Variants in PLEKHA6 observed in about 807,000 individuals in gnomAD.
PLEKHA6 encodes the protein pleckstrin homology domain-containing family A member 6.
A neutral mutation model predicts 116.7 loss-of-function variants in PLEKHA6; 60 were observed. That is an observed-to-expected ratio of 0.51 (90% confidence interval 0.42 to 0.64). The LOEUF (loss-of-function observed/expected upper bound fraction) is 0.64. PLEKHA6 is among the 30% of genes least tolerant of loss of function. The probability of loss-of-function intolerance (pLI) is 0.00; values close to 1 mark genes in which losing one functional copy is unlikely to be tolerated. For missense variants in PLEKHA6, 1,338 were observed against 1,422.7 expected (o/e 0.94, Z 0.96); for synonymous variants, 489 against 556.1 (o/e 0.88, Z 1.70).
chr1:204,249,055 T>A, intron 11 of PLEKHA6, 85 bp from the exon 12 acceptor site: 1 of 1,523,140 alleles, frequency 6.6e-7, no homozygotes, highest in African/African-American at 1.4e-5. Flanking sequence ...CCTTAGAGGT[T>A]CAACAGGCAG....
At chr1:204,252,087 TCCCTGC>T (rs1223748166) in intron 9 of PLEKHA6, among the ~76,000 whole-genome samples, 1 of 150,626 alleles carries the variant, frequency 6.6e-6, no homozygotes, top group Non-Finnish European at 1.5e-5. Context: ...CTGCCCCCTC[TCCCTGC>T]CCCTGCCCCT....
At chr1:204,307,140 A>G (rs1299403412) in intron 1 of PLEKHA6, among the ~76,000 whole-genome samples, 2 of 152,312 alleles carry the variant, frequency 1.3e-5, no homozygotes, top group African/African-American at 4.8e-5. Flanking sequence ...TTGCTTCCCA[A>G]CTATTAACAG....
At chr1:204,372,644 A>G (rs1039115199) in intron 1 of PLEKHA6, among the ~76,000 whole-genome samples, 1 of 152,184 alleles carries the variant, frequency 6.6e-6, no homozygotes, top group Non-Finnish European at 1.5e-5. Flanking sequence ...AAAAATTTAC[A>G]ATTTAATAGT....
At chr1:204,320,802 G>A (rs2103223063) in intron 1 of PLEKHA6, among the ~76,000 whole-genome samples, 1 of 152,284 alleles carries the variant, frequency 6.6e-6, no homozygotes, top group South Asian at 2.1e-4. Flanking sequence ...TGTGTAGAAT[G>A]GGGAGTGGGA....
At chr1:204,279,766 C>T (rs1668407441) in intron 1 of PLEKHA6, among the ~76,000 whole-genome samples, 2 of 152,194 alleles carry the variant, frequency 1.3e-5, no homozygotes, top group African/African-American at 4.8e-5. Flanking sequence ...AGTCCAAGAT[C>T]CAACCTGAGT....
chr1:204,260,485 T>C (rs898145900), intron 7 of PLEKHA6, among the ~76,000 whole-genome samples: 1 of 152,224 alleles, frequency 6.6e-6, no homozygotes, highest in Non-Finnish European at 1.5e-5. Flanking sequence ...CACATTTATA[T>C]TTACAGTAAG....
chr1:204,362,072 C>G (rs912975246), upstream of PLEKHA6, among the ~76,000 whole-genome samples: 2 of 152,166 alleles, frequency 1.3e-5, no homozygotes, highest in African/African-American at 4.8e-5. Context: ...ATCTGAGTAG[C>G]TTCAGGGGCA....
Position 204,257,405 on chromosome 1 carries a change from A to T in PLEKHA6, c.1472T>A (p.Ile491Asn). Residue 491 changes from isoleucine to asparagine, a missense_variant, in exon 9 of 23, where the codon ATC becomes AAC. Ile to Asn is a moderately radical substitution (Grantham distance 149). Around this residue, in one of 3 missense-constraint regions of PLEKHA6, gnomAD observed 1,136 missense variants for 1,163.6 expected, o/e 0.98. Coordinates refer to ENST00000272203, the MANE Select transcript of PLEKHA6 (RefSeq NM_014935.5). The surrounding 1 kb of genome is among the most constrained non-coding windows in gnomAD (Gnocchi z 6.5). ...FERLPPRSEDIYADPAAYVMR... is the reference protein window; with the variant it reads ...FERLPPRSEDNYADPAAYVMR... ...CACATAGGCAGCAGGGTCAGCATAG[A>T]TGTCCTCACTGCGAGGTGGCAGCCG... 1 of 1,564,272 alleles carries T rather than the reference A, an allele frequency of 6.4e-7. No homozygotes were observed. The highest frequency in any genetic ancestry group is 8.7e-7 in the Non-Finnish European group (1 of 1,153,724).
intron 1 of PLEKHA6, chr1:204,298,023 A>G (rs1377318983): frequency 2.5e-6 from 1 of 394,264 alleles, no homozygotes; most frequent in African/African-American, 2.2e-5. Flanking sequence ...CCATGGAGCC[A>G]GTAGTTGGAA....
intron 2 of PLEKHA6, among the ~76,000 whole-genome samples, chr1:204,370,447 AC>A (rs1305030414): frequency 6.6e-6 from 1 of 152,208 alleles, no homozygotes; most frequent in African/African-American, 2.4e-5. Context: ...CCGCACTGTG[AC>A]CCACACCCCC....
At chr1:204,279,554 A>T (rs932051819) in intron 1 of PLEKHA6, among the ~76,000 whole-genome samples, 6 of 152,208 alleles carry the variant, frequency 3.9e-5, no homozygotes, top group Non-Finnish European at 8.8e-5. Context: ...ATGATTATGA[A>T]TCCATGAATA....
rs1005272546 is a variant in PLEKHA6, at chr1:204,277,564, C to A, written c.-94-2755G>T. 6.6e-6 allele frequency: 1 copy of A among 152,194 alleles called. No individual in the cohort carries two copies. Among genetic ancestry groups the A allele is most frequent in the Non-Finnish European group, 1.5e-5 (1 of 68,056 alleles). 9.4% of individuals were successfully genotyped at this position (152,194 alleles called of 1,614,324 possible). A position where few individuals can be genotyped will look rare whatever the true frequency, so the allele number is the denominator to read the frequency against. ...TCCTGCCTCCCCAATTCTCAACCCA[C>A]AATACAGGCTCCTGAGCTGAAAATC... On this transcript the variant is annotated intron_variant, in intron 1 of 22. Coordinates refer to ENST00000272203, the MANE Select transcript of PLEKHA6 (RefSeq NM_014935.5). This position sits in a 1 kb window ranked among gnomAD's most constrained non-coding sequence, Gnocchi z 4.1.
At chr1:204,338,160 C>T (rs1301965761) in intron 1 of PLEKHA6, among the ~76,000 whole-genome samples, 2 of 152,238 alleles carry the variant, frequency 1.3e-5, no homozygotes, top group African/African-American at 4.8e-5. Flanking sequence ...GGTGACCCAA[C>T]TATGTCACTG....
rs1468531532 is a variant in PLEKHA6, at chr1:204,268,260, A to C, written c.155T>G (p.Met52Arg). 1 of 1,612,882 alleles carries C rather than the reference A, an allele frequency of 6.2e-7. No individual in the cohort carries two copies. Among genetic ancestry groups the C allele is most frequent in the African/African-American group, 1.3e-5 (1 of 74,934 alleles). ...GACAGGTGCATTGGGGTTCCGCTTCATGGAGTGTGAGCGCTTGCCAAAGGC... is the reference window on the plus strand; with the variant it reads ...GACAGGTGCATTGGGGTTCCGCTTCCTGGAGTGTGAGCGCTTGCCAAAGGC... The part of the protein sequence containing the change: ...AVAFGKRSHS[M>R]KRNPNAPVTK... The change falls in exon 4 of 23, where the codon ATG becomes AGG. Residue 52 changes from methionine to arginine, a missense_variant. By Grantham distance (91) the Met-to-Arg change is moderately conservative. This residue lies in a region of PLEKHA6 where 140 missense variants were observed against 197.4 expected (regional missense o/e 0.71). Transcript: ENST00000272203.
At chr1:204,292,695 G>A (rs568949782) in intron 1 of PLEKHA6, among the ~76,000 whole-genome samples, 14 of 152,358 alleles carry the variant, frequency 9.2e-5, no homozygotes, top group African/African-American at 2.6e-4. Flanking sequence ...GAGCATGCCA[G>A]TGGCAGCACC....
chr1:204,253,133 A>G (rs1419513035), intron 9 of PLEKHA6, among the ~76,000 whole-genome samples: 3 of 152,218 alleles, frequency 2.0e-5, no homozygotes, highest in Non-Finnish European at 4.4e-5. Flanking sequence ...GAGTTTGGGA[A>G]AAACAAAATA....
intron 9 of PLEKHA6, 36 bp from the exon 10 acceptor site, chr1:204,250,650 C>A: frequency 1.4e-6 from 2 of 1,455,794 alleles, no homozygotes; most frequent in Non-Finnish European, 1.9e-6. Flanking sequence ...GCAGCAGGGG[C>A]AGGATGAGGG....
intron 1 of PLEKHA6, chr1:204,311,572 A>C (rs1671660256): frequency 2.1e-6 from 2 of 935,830 alleles, no homozygotes; most frequent in African/African-American, 1.8e-5. Context: ...TGAGTGTAAC[A>C]AAAAAAAACT....
At chr1:204,247,313 C>G in intron 13 of PLEKHA6, 52 bp downstream of exon 13, 1 of 1,134,950 alleles carries the variant, frequency 8.8e-7, no homozygotes, top group Non-Finnish European at 1.3e-6. Flanking sequence ...GAGGCCAACT[C>G]CTCATCTTTA....
Sources: allele counts gnomAD v4.1 joint callset (sites outside exome capture counted in the v4.1 genomes callset), GRCh38; gene constraint gnomAD v4.1.1; regional missense constraint gnomAD v4.1.1; non-coding constraint Gnocchi (gnomAD v3.1); transcripts MANE v1.5; gene names NCBI Gene and HGNC (gene_info 2026-07-23, HGNC 2026-07-21).